SRFBP1: variants seen among roughly 807,000 people sequenced by gnomAD.
SRFBP1 encodes serum response factor-binding protein 1.
Under a neutral mutation model 45.5 loss-of-function variants are expected in SRFBP1, and 47 were observed. The ratio of observed to expected loss-of-function variants is 1.03; its 90% CI spans 0.82 to 1.32. The LOEUF (loss-of-function observed/expected upper bound fraction) is 1.32, where lower values mean the gene tolerates loss of function less well. Among genes scored for constraint, SRFBP1 ranks in the 40% most tolerant of loss-of-function variants. The probability of loss-of-function intolerance (pLI) is 0.00; values close to 1 mark genes in which losing one functional copy is unlikely to be tolerated. For synonymous variants in SRFBP1, 203 were observed against 166.3 expected (o/e 1.22, Z -1.70); for missense variants, 621 against 484.6 (o/e 1.28, Z -2.64).
intron 3 of SRFBP1, among the ~76,000 whole-genome samples, chr5:121,993,595 T>G (rs893142454): frequency 6.6e-6 from 1 of 152,146 alleles, no homozygotes; most frequent in African/African-American, 2.4e-5. Flanking sequence ...ATTTGAGTCT[T>G]ACTTTTCACT....
chr5:122,031,694 G>T (rs1371906870), downstream of SRFBP1, among the ~76,000 whole-genome samples: 2 of 152,110 alleles, frequency 1.3e-5, no homozygotes, highest in African/African-American at 4.8e-5. Context: ...ATACTTGAAT[G>T]TGAATGTTCA....
intron 4 of SRFBP1, among the ~76,000 whole-genome samples, chr5:121,999,952 G>T (rs970717011): frequency 2.0e-5 from 3 of 151,956 alleles, no homozygotes; most frequent in Non-Finnish European, 4.4e-5. Context: ...TTATTGATGT[G>T]GTTGAATTAA....
intron 3 of SRFBP1, among the ~76,000 whole-genome samples, chr5:121,975,813 C>T (rs1480243954): frequency 6.6e-6 from 1 of 151,720 alleles, no homozygotes; most frequent in Admixed American, 6.6e-5. Flanking sequence ...TTGGTATCGG[C>T]ATTTTATTCA....
chr5:121,974,298 A>G lies in SRFBP1; in HGVS notation c.125+14A>G. ...GAAGTCAAAAAAGTTAGTCATTTAA[A>G]GTAATGATCTTGTGACTAATAAAAT... On this transcript the variant is annotated intron_variant, in intron 2 of 7. Transcript: ENST00000339397. 6.3e-7 allele frequency: 1 copy of G among 1,579,044 alleles called. No homozygotes were observed. Among genetic ancestry groups the G allele is most frequent in the Non-Finnish European group, 8.7e-7 (1 of 1,149,528 alleles).
rs1422663890 is a variant in SRFBP1 at position 122,028,303 on chromosome 5, G to A, written c.*1177G>A. The A allele has an allele frequency of 6.6e-6, 1 of 152,130 alleles. No individual in the cohort carries two copies. Among genetic ancestry groups the A allele is most frequent in the Non-Finnish European group, 1.5e-5 (1 of 68,036 alleles). The allele number at this position is 152,130 out of a possible 1,614,324, so 9.4% of individuals were successfully genotyped here. A position where few individuals can be genotyped will look rare whatever the true frequency, so the allele number is the denominator to read the frequency against. ...TCAAGAGTTTCTACTTATTTCAGGA[G>A]CTTAAGAATTTAGATAACTCAGCCG... On this transcript the variant is annotated 3_prime_UTR_variant, in exon 8 of 8. Transcript: ENST00000339397.
At chr5:121,968,245 T>TATTATG (rs1252559086) in intron 1 of SRFBP1, among the ~76,000 whole-genome samples, 15 of 150,126 alleles carry the variant, frequency 1.0e-4, no homozygotes, top group African/African-American at 3.4e-4. Flanking sequence ...TTATTATTAT[T>TATTATG]ATTATTATTA....
At chr5:122,004,222 A>G (rs926742526) in intron 4 of SRFBP1, among the ~76,000 whole-genome samples, 4 of 152,156 alleles carry the variant, frequency 2.6e-5, no homozygotes, top group African/African-American at 9.7e-5. Context: ...TATGGTTTGC[A>G]TATATCTTAT....
Position 122,038,444 on chromosome 5 carries a change from A to G in SRFBP1, n.311+16037A>G, listed in dbSNP as rs560613347. Among the ~76,000 whole-genome samples the G allele has an allele frequency of 5.3e-5, 8 of 152,356 alleles. No individual in the cohort carries two copies. In the South Asian group the frequency reaches 1.7e-3, roughly 32 times the overall value. ...GTTCCTAACCCTATAGCTCTAGGAA[A>G]AAAGACTGGAAAATGAAATGTTATT... On this transcript the variant is annotated intron_variant and non_coding_transcript_variant, in intron 2 of 2. Coordinates refer to the SRFBP1 transcript ENST00000504881.
intron 1 of SRFBP1, among the ~76,000 whole-genome samples, chr5:121,966,946 A>AT (rs34687337): frequency 0.065 from 7,436 of 114,588 alleles, 485 homozygotes; most frequent in African/African-American, 0.14. Flanking sequence ...CGCCCAGCTA[A>AT]TTTTTTTTTT....
chr5:122,069,221 C>A (rs1754385898), intron 2 of SRFBP1, among the ~76,000 whole-genome samples: 1 of 152,068 alleles, frequency 6.6e-6, no homozygotes, highest in Non-Finnish European at 1.5e-5. Flanking sequence ...TCTGTATGAT[C>A]CAGTGGCACT....
intron 4 of SRFBP1, among the ~76,000 whole-genome samples, chr5:122,014,602 A>G (rs1162982063): frequency 6.6e-6 from 1 of 152,210 alleles, no homozygotes; most frequent in East Asian, 1.9e-4. Flanking sequence ...AGATTCGTAC[A>G]TAATTATAGA....
downstream of SRFBP1, among the ~76,000 whole-genome samples, chr5:122,029,774 G>A (rs1459417314): frequency 6.6e-6 from 1 of 152,248 alleles, no homozygotes; most frequent in Non-Finnish European, 1.5e-5. Context: ...GTTGTTTGGT[G>A]TATTTTGTGC....
intron 3 of SRFBP1, among the ~76,000 whole-genome samples, chr5:121,992,417 C>G (rs1752638115): frequency 6.6e-6 from 1 of 150,752 alleles, no homozygotes; most frequent in Non-Finnish European, 1.5e-5. Context: ...TGTTTTTTTT[C>G]TCTGCATCTC....
At chr5:122,004,423 T>A (rs552460864) in intron 4 of SRFBP1, among the ~76,000 whole-genome samples, 1 of 152,164 alleles carries the variant, frequency 6.6e-6, no homozygotes, top group African/African-American at 2.4e-5. Flanking sequence ...TTGATGAAAA[T>A]CAGTTGGCCA....
chr5:122,077,043 G>T, downstream of SRFBP1: 1 of 1,605,592 alleles, frequency 6.2e-7, no homozygotes, highest in Non-Finnish European at 8.5e-7. The surrounding 1 kb of genome is among the most constrained non-coding windows in gnomAD (Gnocchi z 4.9). Context: ...GAAACAACCC[G>T]GCGCCCCCCG....
chr5:122,011,460 C>A (rs767651983), intron 4 of SRFBP1, among the ~76,000 whole-genome samples: 66 of 152,176 alleles, frequency 4.3e-4, no homozygotes, highest in Non-Finnish European at 7.5e-4. Flanking sequence ...CTTTTTCATG[C>A]AGGTGTAAAA....
chr5:122,025,513 T>TCTAGATCC (rs1241394509), intron 7 of SRFBP1, among the ~76,000 whole-genome samples: 1 of 152,178 alleles, frequency 6.6e-6, no homozygotes, highest in African/African-American at 2.4e-5. Context: ...TATTTCTAGT[T>TCTAGATCC]CTAGATCCCT....
At chr5:122,066,439 C>T (rs913647004) in intron 2 of SRFBP1, 9 of 313,876 alleles carry the variant, frequency 2.9e-5, no homozygotes. Flanking sequence ...ACTACAATTT[C>T]AAAAGGAACA....
At chr5:122,013,124 C>A (rs188842038) in intron 4 of SRFBP1, among the ~76,000 whole-genome samples, 1 of 152,048 alleles carries the variant, frequency 6.6e-6, no homozygotes, top group African/African-American at 2.4e-5. Context: ...ATAAAAATGA[C>A]AAAGCTCATC....
Sources: gnomAD v4.1 joint callset for allele counts (sites outside exome capture counted in the v4.1 genomes callset) on GRCh38, gnomAD v4.1.1 for gene constraint, Gnocchi (gnomAD v3.1) non-coding constraint, MANE v1.5 for transcripts, NCBI Gene and HGNC (gene_info 2026-07-23, HGNC 2026-07-21) for gene names.